Variants in ALK observed in about 807,000 individuals in gnomAD.
ALK encodes the protein ALK tyrosine kinase receptor.
A neutral mutation model predicts 163.1 loss-of-function variants in ALK; 74 were observed. The observed-to-expected ratio is 0.45, with a 90% CI of 0.38 to 0.55. The LOEUF (loss-of-function observed/expected upper bound fraction) is 0.55. Ranked by LOEUF, ALK falls within the 20% of genes least tolerant of loss-of-function variation. The pLI, the probability that ALK is intolerant of heterozygous loss-of-function variation, is 0.00. For synonymous variants in ALK, 960 were observed against 843.2 expected, an observed-to-expected ratio of 1.14 and a Z score of -2.40; for missense variants, 2,063 against 2,105.3, an observed-to-expected ratio of 0.98 and a Z score of 0.39.
chr2:29,279,013 A>C (rs1323964596), intron 9 of ALK, among the ~76,000 whole-genome samples: 1 of 152,032 alleles, frequency 6.6e-6, no homozygotes, highest in Non-Finnish European at 1.5e-5. Flanking sequence ...TATCCTCTAA[A>C]TGGGTGCTCC....
chr2:29,476,566 G>C (rs1671527148), intron 4 of ALK, among the ~76,000 whole-genome samples: 1 of 152,168 alleles, frequency 6.6e-6, no homozygotes, highest in Non-Finnish European at 1.5e-5. Context: ...GCAAGAGACA[G>C]GGTGTCGGTG....
At chr2:29,730,106 C>A (rs190947698) in intron 1 of ALK, among the ~76,000 whole-genome samples, 1 of 152,212 alleles carries the variant, frequency 6.6e-6, no homozygotes, top group East Asian at 1.9e-4. Flanking sequence ...AACTCGGGAT[C>A]CCCTCGCCCC....
chr2:29,688,684 G>A (rs1227954802), intron 3 of ALK, among the ~76,000 whole-genome samples: 1 of 152,138 alleles, frequency 6.6e-6, no homozygotes, highest in East Asian at 1.9e-4. Flanking sequence ...ATATTGTTCT[G>A]CCCATGAGTG....
chr2:29,758,666 T>C (rs1005842812), intron 1 of ALK, among the ~76,000 whole-genome samples: 9 of 152,208 alleles, frequency 5.9e-5, no homozygotes, highest in African/African-American at 2.2e-4. Context: ...TCAGGCCTTA[T>C]TCATCATTTG....
At position 29,396,731 on chromosome 2, in the gene ALK, A is replaced by G. The variant is rs541768570; in HGVS notation, c.1155-12872T>C. Among the ~76,000 whole-genome samples the G allele has an allele frequency of 1.3e-4, 19 of 151,526 alleles. 1 individual carries two copies. The highest frequency in any genetic ancestry group is 3.4e-3 in the Middle Eastern group (1 of 290). ...CCTCAAACATGACCACAGTTCTCCA[A>G]TGGCCTCGGGACCTGCCTCTGGCTC... On this transcript the variant is annotated intron_variant, in intron 4 of 28. Transcript: ENST00000389048.
At chr2:29,211,919 A>G (rs1407974297) in intron 24 of ALK, among the ~76,000 whole-genome samples, 2 of 152,232 alleles carry the variant, frequency 1.3e-5, no homozygotes, top group African/African-American at 2.4e-5. Flanking sequence ...TTCAGTAACT[A>G]TTTCCAGATA....
chr2:29,315,508 A>G (rs1343680474), intron 8 of ALK, among the ~76,000 whole-genome samples: 2 of 152,212 alleles, frequency 1.3e-5, no homozygotes, highest in African/African-American at 4.8e-5. Flanking sequence ...GCATGGGCTC[A>G]GAATGAATTT....
intron 6 of ALK, among the ~76,000 whole-genome samples, chr2:29,321,981 G>C (rs1322489859): frequency 6.6e-6 from 1 of 152,244 alleles, no homozygotes; most frequent in African/African-American, 2.4e-5. Flanking sequence ...GGGTGAGGGA[G>C]AGAGCTCACT....
At chr2:29,741,810 G>C (rs1289486130) in intron 1 of ALK, among the ~76,000 whole-genome samples, 1 of 152,154 alleles carries the variant, frequency 6.6e-6, no homozygotes, top group Non-Finnish European at 1.5e-5. Context: ...CTCTGACATG[G>C]GATCCAAGCT....
chr2:29,587,160 G>T (rs1674912496), intron 3 of ALK, among the ~76,000 whole-genome samples: 1 of 152,212 alleles, frequency 6.6e-6, no homozygotes, highest in Admixed American at 6.5e-5. Context: ...TTGGGGGAGG[G>T]GTAGGATATT....
chr2:29,337,456 G>T lies in ALK; in HGVS notation c.1283-8975C>A, dbSNP rs1402637039. On this transcript the variant is annotated intron_variant, in intron 5 of 28. Transcript: ENST00000389048. ...CTTGTTTGTAAACCCTCTAAAGCCA[G>T]CCATTCATAGTTGCCATGGGCTTAG... Among the ~76,000 whole-genome samples the T allele has an allele frequency of 3.3e-5, 5 of 152,154 alleles. No homozygotes were observed. The East Asian group carries it at 9.6e-4, about 29-fold the overall frequency.
chr2:29,354,726 C>T (rs1406317973), intron 5 of ALK, among the ~76,000 whole-genome samples: 1 of 151,886 alleles, frequency 6.6e-6, no homozygotes, highest in Admixed American at 6.6e-5. Context: ...GTTCCAGTCC[C>T]AGGCCATGAC....
At chr2:29,400,631 C>T (rs1260925184) in intron 4 of ALK, among the ~76,000 whole-genome samples, 2 of 152,186 alleles carry the variant, frequency 1.3e-5, no homozygotes, top group African/African-American at 2.4e-5. Context: ...ATGAAGTCCC[C>T]TTTTCCCAGC....
intron 11 of ALK, 68 bp from the exon 12 acceptor site, chr2:29,251,335 G>A (rs567164148): frequency 2.6e-5 from 40 of 1,521,222 alleles, no homozygotes; most frequent in Non-Finnish European, 3.4e-5. Context: ...GCCTCCCTGG[G>A]TGGCCTCTGA....
rs1220052371 is a variant in ALK, at chr2:29,228,959, C to T, written c.2740G>A (p.Gly914Arg). The change falls in exon 16 of 29, where the codon GGG becomes AGG. Residue 914 changes from glycine (G) to arginine (R), a missense_variant. Transcript: ENST00000389048. Reference protein sequence around the residue: ...HSCPQAMKKWGWETRGGFGGG... With the variant: ...HSCPQAMKKWRWETRGGFGGG... ...CCGAAACCCCCTCTTGTCTCCCACCCCCACTTCTTCATGGCCTGGGGGCAG... is the reference window on the plus strand; with the variant it reads ...CCGAAACCCCCTCTTGTCTCCCACCTCCACTTCTTCATGGCCTGGGGGCAG... 7 of 1,601,706 alleles carry T rather than the reference C, an allele frequency of 4.4e-6. No homozygotes were observed. The highest frequency in any genetic ancestry group is 5.1e-6 in the Non-Finnish European group (6 of 1,169,436).
intron 1 of ALK, among the ~76,000 whole-genome samples, chr2:29,858,726 G>A (rs1420094300): frequency 6.6e-6 from 1 of 151,822 alleles, no homozygotes; most frequent in Non-Finnish European, 1.5e-5. Context: ...CTGGGCGACA[G>A]AGCAAGACTC....
chr2:29,413,559 C>T (rs926800399), intron 4 of ALK, among the ~76,000 whole-genome samples: 3 of 151,904 alleles, frequency 2.0e-5, no homozygotes, highest in African/African-American at 7.3e-5. Flanking sequence ...TAAGACAGAG[C>T]GTCACTCTTT....
intron 3 of ALK, among the ~76,000 whole-genome samples, chr2:29,659,831 C>T (rs77073018): frequency 0.028 from 4,242 of 152,082 alleles, 170 homozygotes; most frequent in African/African-American, 0.088. Flanking sequence ...TTAGAGGAGC[C>T]CTCTCTCCCT....
chr2:29,228,271 A>C (rs910140477), intron 16 of ALK, among the ~76,000 whole-genome samples: 1 of 152,206 alleles, frequency 6.6e-6, no homozygotes, highest in African/African-American at 2.4e-5. Flanking sequence ...CAGAGCATGC[A>C]TGCATTCGTC....
Sources: gnomAD v4.1 joint callset for allele counts (sites outside exome capture counted in the v4.1 genomes callset) on GRCh38, gnomAD v4.1.1 for gene constraint, MANE v1.5 for transcripts, NCBI Gene and HGNC (gene_info 2026-07-23, HGNC 2026-07-21) for gene names.